The following RPIA variants were observed in gnomAD, a reference collection of about 807,000 sequenced individuals.
RPIA encodes the protein ribose 5-phosphate isomerase A.
In RPIA, 29 loss-of-function variants were observed where a neutral mutation model predicts 37.8. The ratio of observed to expected loss-of-function variants is 0.77; its 90% CI spans 0.57 to 1.05. The LOEUF is 1.05. RPIA is among the 50% of genes least tolerant of loss of function. The probability of loss-of-function intolerance (pLI) is 0.00; values close to 1 mark genes in which losing one functional copy is unlikely to be tolerated. For missense variants in RPIA, 385 were observed against 413.6 expected, an observed-to-expected ratio of 0.93 and a Z score of 0.60; for synonymous variants, 167 against 157.0, an observed-to-expected ratio of 1.06 and a Z score of -0.48.
At chr2:88,740,557 C>T (rs900880823) in intron 8 of RPIA, among the ~76,000 whole-genome samples, 1 of 152,128 alleles carries the variant, frequency 6.6e-6, no homozygotes, top group Non-Finnish European at 1.5e-5. Flanking sequence ...TATGTGAGGA[C>T]GCTTAGAAAA....
At chr2:88,697,417 CA>C (rs1228094931) in intron 1 of RPIA, among the ~76,000 whole-genome samples, 1 of 152,248 alleles carries the variant, frequency 6.6e-6, no homozygotes, top group Non-Finnish European at 1.5e-5. Context: ...CTTTGCCTTG[CA>C]AAGGCAGGAG....
intron 1 of RPIA, among the ~76,000 whole-genome samples, chr2:88,693,386 TC>T (rs1328801055): frequency 6.6e-6 from 1 of 152,268 alleles, no homozygotes; most frequent in Non-Finnish European, 1.5e-5. Flanking sequence ...TTTGGGGAGA[TC>T]TACAGTGACC....
rs148391458 is a variant in RPIA, at chr2:88,706,666, T to C, written c.402+6602T>C. Among the ~76,000 whole-genome samples the C allele has an allele frequency of 1.8e-4, 27 of 151,480 alleles. No individual in the cohort carries two copies. The East Asian group carries it at 5.3e-3, about 29-fold the overall frequency. Reference sequence around the variant, plus strand: ...AACCACCATGGCACACATTTACCTATGTAACAAACCTGCACATGTATCCTG... The same window carrying C: ...AACCACCATGGCACACATTTACCTACGTAACAAACCTGCACATGTATCCTG... On this transcript the variant is annotated intron_variant, in intron 3 of 8. Coordinates refer to ENST00000283646, the MANE Select transcript of RPIA (RefSeq NM_144563.3).
Position 88,691,687 on chromosome 2 carries a change from C to A in RPIA, c.-12C>A. The A allele has an allele frequency of 8.3e-6, 13 of 1,567,826 alleles. No homozygotes were observed. Among genetic ancestry groups the A allele is most frequent in the South Asian group, 2.3e-5 (2 of 85,616 alleles). On this transcript the variant is annotated 5_prime_UTR_variant, in exon 1 of 9. Coordinates refer to ENST00000283646, the MANE Select transcript of RPIA (RefSeq NM_144563.3). ...GGCGGGACTTCAGCGGAGGCCGGAG[C>A]GAGGCGTCGGGATGCAGCGCCCCGG...
At chr2:88,723,435 G>A (rs1261418622) in intron 3 of RPIA, among the ~76,000 whole-genome samples, 1 of 152,102 alleles carries the variant, frequency 6.6e-6, no homozygotes, top group Admixed American at 6.5e-5. Flanking sequence ...TTCCTTGTTG[G>A]AATCAAGTAA....
At chr2:88,746,211 G>A (rs1353089579) in intron 8 of RPIA, among the ~76,000 whole-genome samples, 1 of 150,992 alleles carries the variant, frequency 6.6e-6, no homozygotes, top group Non-Finnish European at 1.5e-5. Flanking sequence ...CCTTTCTCTG[G>A]TACCTCCTTG....
At position 88,735,657 on chromosome 2, in the gene RPIA, T is replaced by C; in HGVS notation, c.528-12T>C. On this transcript the variant is annotated splice_polypyrimidine_tract_variant and intron_variant, in intron 5 of 8. Transcript: ENST00000283646. ...TGTCTTACTCCTGTGTTCCTTTGCT[T>C]CTTTCCTGCAGAGGCTGCCTGACCC... is the stretch of plus-strand genomic sequence containing the variant. 1 of 1,614,076 alleles carries C rather than the reference T, an allele frequency of 6.2e-7. No homozygotes were observed. The highest frequency in any genetic ancestry group is 8.5e-7 in the Non-Finnish European group (1 of 1,179,914).
chr2:88,721,565 A>ACG (rs1673129791), intron 3 of RPIA, among the ~76,000 whole-genome samples: 2 of 61,416 alleles, frequency 3.3e-5, no homozygotes, highest in Non-Finnish European at 6.2e-5. Context: ...ACACACACAC[A>ACG]CACACACCCC....
intron 4 of RPIA, 85 bp from the exon 5 acceptor site, chr2:88,734,467 T>C: frequency 7.9e-7 from 1 of 1,266,498 alleles, no homozygotes; most frequent in Non-Finnish European, 1.2e-6. Context: ...GGCTGCTGAG[T>C]ATCTGATGAG....
intron 5 of RPIA, 105 bp downstream of exon 5, chr2:88,734,721 T>C: frequency 1.7e-6 from 2 of 1,206,870 alleles, no homozygotes; most frequent in Admixed American, 3.6e-5. Flanking sequence ...CATATGCAAG[T>C]TTGTCTTTCT....
intron 8 of RPIA, among the ~76,000 whole-genome samples, chr2:88,748,593 A>G (rs1445688517): frequency 6.6e-6 from 1 of 152,204 alleles, no homozygotes; most frequent in Non-Finnish European, 1.5e-5. Context: ...GTGTGAGTAT[A>G]TGTAAATATT....
chr2:88,718,610 C>T (rs1439551263), intron 3 of RPIA, among the ~76,000 whole-genome samples: 1 of 152,164 alleles, frequency 6.6e-6, no homozygotes, highest in Non-Finnish European at 1.5e-5. Context: ...GTCAGTTTTT[C>T]CAAGGGGCTC....
At chr2:88,745,942 A>G (rs568832391) in intron 8 of RPIA, among the ~76,000 whole-genome samples, 1 of 152,270 alleles carries the variant, frequency 6.6e-6, no homozygotes, top group South Asian at 2.1e-4. Flanking sequence ...ATTGTTTAAC[A>G]TAATCCCAAA....
intron 3 of RPIA, among the ~76,000 whole-genome samples, chr2:88,711,752 G>A (rs563352133): frequency 2.0e-5 from 3 of 152,308 alleles, no homozygotes; most frequent in Admixed American, 6.5e-5. Context: ...GTAAAATACA[G>A]TTTCTTTCAG....
At chr2:88,692,661 A>G (rs1396270317) in intron 1 of RPIA, among the ~76,000 whole-genome samples, 1 of 152,130 alleles carries the variant, frequency 6.6e-6, no homozygotes, top group Non-Finnish European at 1.5e-5. Flanking sequence ...TTTTAATCCA[A>G]GTGGTTTTGC....
At position 88,748,204 on chromosome 2, in the gene RPIA, A is replaced by G. The variant is rs1371218870; in HGVS notation, c.839-1777A>G. Among the ~76,000 whole-genome samples, 3 of 152,002 alleles carry G rather than the reference A, an allele frequency of 2.0e-5. No homozygotes were observed. The East Asian group carries it at 5.8e-4, about 29-fold the overall frequency. Reference sequence around the variant, plus strand: ...CTCCTCCCGCCCCACCCCTTTTTACACTAGCGGTAGCCTGCTTTATACATG... The same window carrying G: ...CTCCTCCCGCCCCACCCCTTTTTACGCTAGCGGTAGCCTGCTTTATACATG... On this transcript the variant is annotated intron_variant, in intron 8 of 8. Transcript: ENST00000283646.
intron 8 of RPIA, among the ~76,000 whole-genome samples, chr2:88,744,330 A>C (rs1007693994): frequency 5.3e-5 from 8 of 152,120 alleles, no homozygotes; most frequent in Admixed American, 2.6e-4. Flanking sequence ...TTCCTTTTGG[A>C]GTTGATTTCC....
chr2:88,704,161 C>A (rs1344869860), intron 3 of RPIA, among the ~76,000 whole-genome samples: 1 of 152,228 alleles, frequency 6.6e-6, no homozygotes, highest in Non-Finnish European at 1.5e-5. Context: ...GCCCTCCAAA[C>A]TGTTCCAACC....
chr2:88,700,632 C>A (rs1376101002), intron 3 of RPIA, among the ~76,000 whole-genome samples: 1 of 151,614 alleles, frequency 6.6e-6, no homozygotes, highest in Admixed American at 6.6e-5. Flanking sequence ...CCAGCCTGGG[C>A]AACAGAGTGA....
Sources: gnomAD v4.1 joint callset for allele counts (sites outside exome capture counted in the v4.1 genomes callset) on GRCh38, gnomAD v4.1.1 for gene constraint, MANE v1.5 for transcripts, NCBI Gene and HGNC (gene_info 2026-07-23, HGNC 2026-07-21) for gene names.